PAM: variants seen among roughly 807,000 people sequenced by gnomAD.
The protein encoded by PAM is peptidyl-glycine alpha-amidating monooxygenase.
PAM carries 72 observed loss-of-function variants against 122.1 expected under a neutral mutation model. The ratio of observed to expected loss-of-function variants is 0.59; its 90% confidence interval spans 0.49 to 0.72. The LOEUF is 0.72. PAM is among the 30% of genes least tolerant of loss of function. PAM has a pLI of 0.00. For missense variants in PAM, 1,106 were observed against 1,183.7 expected (o/e 0.93, Z 0.96); for synonymous variants, 389 against 404.4 (o/e 0.96, Z 0.46).
At chr5:103,030,578 C>T (rs558713953), downstream of PAM, 1 of 152,300 alleles carries the variant, frequency 6.6e-6, no homozygotes, top group Middle Eastern at 3.4e-3. Flanking sequence ...ATTCTGCCAA[C>T]CTGGGTTAAT....
At chr5:102,999,665 T>A (rs922764248) in intron 16 of PAM, among the ~76,000 whole-genome samples, 4 of 152,186 alleles carry the variant, frequency 2.6e-5, no homozygotes, top group Admixed American at 1.3e-4. Flanking sequence ...TTCCCAAACC[T>A]CAGTTCTTGA....
chr5:102,951,166 G>A (rs1282148190), intron 12 of PAM, among the ~76,000 whole-genome samples: 1 of 151,934 alleles, frequency 6.6e-6, no homozygotes, highest in Admixed American at 6.6e-5. Context: ...TTTGCCCTGT[G>A]TTCACGGGGT....
intron 15 of PAM, among the ~76,000 whole-genome samples, chr5:102,987,251 G>A (rs1231488960): frequency 6.6e-6 from 1 of 152,140 alleles, no homozygotes; most frequent in Admixed American, 6.6e-5. Flanking sequence ...GCAGCAACAT[G>A]TGTGAAACTG....
chr5:102,874,001 C>T (rs943520301), intron 3 of PAM, among the ~76,000 whole-genome samples: 2 of 152,070 alleles, frequency 1.3e-5, no homozygotes, highest in African/African-American at 4.8e-5. Context: ...TATAAAATTA[C>T]AAGATTTGTG....
chr5:103,023,928 T>A (rs1784299511), intron 23 of PAM, among the ~76,000 whole-genome samples: 1 of 152,140 alleles, frequency 6.6e-6, no homozygotes, highest in African/African-American at 2.4e-5. Flanking sequence ...TGACAGCATC[T>A]TAAATGATTT....
chr5:102,849,274 T>C (rs947199594), intron 1 of PAM, among the ~76,000 whole-genome samples: 4 of 151,990 alleles, frequency 2.6e-5, no homozygotes, highest in African/African-American at 7.2e-5. Context: ...AAGAAAAAGG[T>C]GGCCGGACGC....
chr5:102,984,153 T>C (rs1030190891), intron 15 of PAM, among the ~76,000 whole-genome samples: 7 of 151,044 alleles, frequency 4.6e-5, no homozygotes, highest in Admixed American at 4.6e-4. Flanking sequence ...CAAACCACAA[T>C]GATAAACAAT....
intron 15 of PAM, among the ~76,000 whole-genome samples, chr5:102,976,499 CAA>C (rs1554148939): frequency 1.3e-5 from 2 of 151,956 alleles, no homozygotes; most frequent in Admixed American, 6.6e-5. Flanking sequence ...AGGGTATAGT[CAA>C]AGAGAATAAA....
At chr5:102,805,290 G>C (rs185466986) in intron 1 of PAM, among the ~76,000 whole-genome samples, 1 of 152,018 alleles carries the variant, frequency 6.6e-6, no homozygotes, top group Non-Finnish European at 1.5e-5. Context: ...GGCTGGTCTT[G>C]AACTCCTGAC....
chr5:102,949,207 C>T (rs1358384929), intron 9 of PAM, among the ~76,000 whole-genome samples: 2 of 151,968 alleles, frequency 1.3e-5, no homozygotes, highest in Non-Finnish European at 2.9e-5. Context: ...TTCTTTCATT[C>T]CAAAAATAAA....
At chr5:102,964,105 T>C (rs1763320847) in intron 14 of PAM, among the ~76,000 whole-genome samples, 1 of 151,756 alleles carries the variant, frequency 6.6e-6, no homozygotes. Flanking sequence ...ATCTCTAACA[T>C]GGAGGAAAAA....
intron 16 of PAM, among the ~76,000 whole-genome samples, chr5:102,994,971 C>T (rs987421194): frequency 6.6e-6 from 1 of 152,134 alleles, no homozygotes; most frequent in African/African-American, 2.4e-5. Context: ...TTCTTCCCTC[C>T]TCCCCCCAGA....
chr5:102,986,197 A>T (rs976568562), intron 15 of PAM, among the ~76,000 whole-genome samples: 10 of 152,190 alleles, frequency 6.6e-5, no homozygotes, highest in African/African-American at 2.2e-4. Context: ...CACTTTGACC[A>T]TTCCTATTCC....
intron 22 of PAM, among the ~76,000 whole-genome samples, chr5:103,018,299 A>T (rs928290736): frequency 6.6e-6 from 1 of 152,244 alleles, no homozygotes; most frequent in African/African-American, 2.4e-5. Flanking sequence ...AATATTAATT[A>T]TAAAAGGAAA....
intron 24 of PAM, among the ~76,000 whole-genome samples, chr5:103,025,759 ACATGACC>A (rs1313732501): frequency 6.6e-6 from 1 of 152,132 alleles, no homozygotes; most frequent in South Asian, 2.1e-4. Flanking sequence ...GCTCCTAGCT[ACATGACC>A]ATGGGCAAGT....
In PAM at chr5:102,974,409, G is replaced by A. The variant is rs1469594852; in HGVS notation, c.1456G>A (p.Gly486Ser). 1 of 1,613,450 alleles carries A rather than the reference G, an allele frequency of 6.2e-7. No individual in the cohort carries two copies. Among genetic ancestry groups the A allele is most frequent in the East Asian group, 2.2e-5 (1 of 44,876 alleles). Residue 486 changes from glycine (G) to serine (S), a missense_variant, in exon 15 of 26, where the codon GGC becomes AGC. Around this residue, in one of 3 missense-constraint regions of PAM, gnomAD observed 670 missense variants for 690.3 expected, o/e 0.97. Transcript: ENST00000438793. The stretch of plus-strand genomic sequence containing the variant: ...ATTACAGCAGCCCCCACCTGGTGAA[G>A]GCACCTGGGAACCAGAACACACAGG... ...FSLQQPPPGEGTWEPEHTGDF... is the reference protein window; with the variant it reads ...FSLQQPPPGESTWEPEHTGDF...
chr5:102,914,769 G>A (rs1458405198), intron 5 of PAM, among the ~76,000 whole-genome samples: 1 of 152,054 alleles, frequency 6.6e-6, no homozygotes, highest in Non-Finnish European at 1.5e-5. Context: ...TTGAACCCTA[G>A]CTTGTCTGAT....
intron 7 of PAM, among the ~76,000 whole-genome samples, chr5:102,930,861 A>G (rs182335760): frequency 1.6e-3 from 238 of 152,334 alleles, no homozygotes; most frequent in Non-Finnish European, 2.9e-3. Flanking sequence ...TTAATATTCC[A>G]TAGGAAATAG....
chr5:102,800,684 C>A (rs1463509473), intron 1 of PAM, among the ~76,000 whole-genome samples: 1 of 152,114 alleles, frequency 6.6e-6, no homozygotes, highest in African/African-American at 2.4e-5. Context: ...GAGGGGGCTA[C>A]GCTGAGTTCT....
Sources: allele counts gnomAD v4.1 joint callset (sites outside exome capture counted in the v4.1 genomes callset), GRCh38; gene constraint gnomAD v4.1.1; regional missense constraint gnomAD v4.1.1; transcripts MANE v1.5; gene names NCBI Gene and HGNC (gene_info 2026-07-23, HGNC 2026-07-21).